Variants in FRMD6 observed in about 807,000 individuals in gnomAD.
The protein encoded by FRMD6 is FERM domain-containing protein 6.
In FRMD6, 37 loss-of-function variants were observed where a neutral mutation model predicts 73.2. That is an observed-to-expected ratio of 0.51 (90% confidence interval 0.39 to 0.66). The LOEUF (loss-of-function observed/expected upper bound fraction) is 0.66. Ranked by LOEUF, FRMD6 falls within the 30% of genes least tolerant of loss-of-function variation. The pLI is 0.00. For missense variants in FRMD6, 714 were observed against 780.5 expected, an observed-to-expected ratio of 0.91 and a Z score of 1.02; for synonymous variants, 273 against 282.2, an observed-to-expected ratio of 0.97 and a Z score of 0.33.
chr14:51,709,546 C>A (rs1896824310), intron 7 of FRMD6, among the ~76,000 whole-genome samples: 1 of 152,122 alleles, frequency 6.6e-6, no homozygotes, highest in African/African-American at 2.4e-5. Context: ...ACTTAAGGGA[C>A]CAACTGATGT....
At chr14:51,586,933 A>G (rs1889083639) in intron 2 of FRMD6, among the ~76,000 whole-genome samples, 1 of 152,092 alleles carries the variant, frequency 6.6e-6, no homozygotes, top group South Asian at 2.1e-4. Flanking sequence ...AGTTTTTTAG[A>G]GACAGAGTCT....
At chr14:51,690,670 C>T (rs909836091) in intron 2 of FRMD6, among the ~76,000 whole-genome samples, 2 of 152,198 alleles carry the variant, frequency 1.3e-5, no homozygotes, top group Non-Finnish European at 2.9e-5. Flanking sequence ...GCGTGAGCCA[C>T]CGCGCCCAGC....
intron 1 of FRMD6, among the ~76,000 whole-genome samples, chr14:51,655,440 C>T (rs1892752840): frequency 1.3e-5 from 2 of 151,666 alleles, no homozygotes; most frequent in Non-Finnish European, 2.9e-5. Flanking sequence ...TGTATGTTCC[C>T]CAAAACCCAA....
At chr14:51,563,182 G>C (rs1887575791) in intron 1 of FRMD6, among the ~76,000 whole-genome samples, 1 of 152,146 alleles carries the variant, frequency 6.6e-6, no homozygotes, top group African/African-American at 2.4e-5. Context: ...AAGCTTTATG[G>C]TCTTTTCTGA....
chr14:51,458,420 C>A, the FRMD6 span, among the ~76,000 whole-genome samples: 79 of 152,280 alleles, frequency 5.2e-4, no homozygotes, highest in African/African-American at 1.8e-3. Context: ...TATCTTCAAG[C>A]TGTTCAGTGT....
chr14:51,461,089 A>G, the FRMD6 span, among the ~76,000 whole-genome samples: 10 of 152,362 alleles, frequency 6.6e-5, 1 homozygote, highest in African/African-American at 1.9e-4. Context: ...TTTTGACTAC[A>G]GACATGTGTA....
chr14:51,442,954 T>G, the FRMD6 span, among the ~76,000 whole-genome samples: 3 of 152,328 alleles, frequency 2.0e-5, no homozygotes, highest in Admixed American at 1.3e-4. Flanking sequence ...GTGCCTGGCC[T>G]TATGCCTGCA....
At chr14:51,659,986 G>A (rs1893100218) in intron 1 of FRMD6, among the ~76,000 whole-genome samples, 1 of 152,110 alleles carries the variant, frequency 6.6e-6, no homozygotes, top group South Asian at 2.1e-4. Flanking sequence ...GCCTAATTAC[G>A]AGCTCAGCTA....
At chr14:51,595,936 T>G (rs1370142631) in intron 2 of FRMD6, among the ~76,000 whole-genome samples, 1 of 152,214 alleles carries the variant, frequency 6.6e-6, no homozygotes, top group Non-Finnish European at 1.5e-5. Context: ...CTTTGGGGTA[T>G]GTAGGGTTTT....
At chr14:51,713,580 T>C (rs1897072558) in intron 9 of FRMD6, 2 of 152,192 alleles carry the variant, frequency 1.3e-5, no homozygotes, top group South Asian at 4.1e-4. Context: ...AGATGGCCTA[T>C]GTAAATAAAG....
the FRMD6 span, among the ~76,000 whole-genome samples, chr14:51,473,142 C>T: frequency 6.6e-6 from 1 of 152,186 alleles, no homozygotes; most frequent in African/African-American, 2.4e-5. Flanking sequence ...GCTGCTTGTG[C>T]TTCCCACGTC....
chr14:51,508,218 C>T (rs574476380), intron 1 of FRMD6, among the ~76,000 whole-genome samples: 34 of 152,314 alleles, frequency 2.2e-4, no homozygotes, highest in African/African-American at 7.2e-4. Context: ...TTGCTACTCT[C>T]CATGTCCTTC....
intron 1 of FRMD6, among the ~76,000 whole-genome samples, chr14:51,491,812 T>C (rs1883020642): frequency 6.6e-6 from 1 of 152,184 alleles, no homozygotes; most frequent in Admixed American, 6.5e-5. Context: ...TACAGCTCTG[T>C]GAGGCGGACA....
At chr14:51,640,959 TTAACA>T (rs1372678506) in intron 2 of FRMD6, among the ~76,000 whole-genome samples, 2 of 152,114 alleles carry the variant, frequency 1.3e-5, no homozygotes, top group Non-Finnish European at 2.9e-5. Flanking sequence ...TTATACTTTA[TTAACA>T]TAACTTTCCT....
In FRMD6 at chr14:51,715,328, A is replaced by G. The variant is rs1489623408; in HGVS notation, c.853A>G (p.Lys285Glu). The G allele has an allele frequency of 2.6e-6, 4 of 1,560,936 alleles. No individual in the cohort carries two copies. The highest frequency in any genetic ancestry group is 3.5e-6 in the Non-Finnish European group (4 of 1,149,656). ...TNVGKLVFVG[K>E]KFEILPDGLP... Reference sequence around the variant, plus strand: ...GATTCATGGTTTCCTTCCAAAGGGTAAGAAATTTGAGATTTTGCCAGATGG... The same window carrying G: ...GATTCATGGTTTCCTTCCAAAGGGTGAGAAATTTGAGATTTTGCCAGATGG... Residue 285 changes from lysine to glutamate, a missense_variant, in exon 10 of 14, where the codon AAG becomes GAG. By Grantham distance (56) the Lys-to-Glu change is moderately conservative. Coordinates refer to ENST00000344768, the MANE Select transcript of FRMD6 (RefSeq NM_001267046.2).
At chr14:51,587,945 C>A (rs1014280715) in intron 2 of FRMD6, among the ~76,000 whole-genome samples, 1 of 151,676 alleles carries the variant, frequency 6.6e-6, no homozygotes, top group Non-Finnish European at 1.5e-5. Flanking sequence ...AAATGAACTC[C>A]CCTGACCCCT....
At position 51,689,924 on chromosome 14, in the gene FRMD6, A is replaced by G. The variant is rs1012137953; in HGVS notation, c.88A>G (p.Ile30Val). The G allele has an allele frequency of 2.5e-6, 4 of 1,600,374 alleles. No homozygotes were observed. The highest frequency in any genetic ancestry group is 2.2e-5 in the South Asian group (2 of 90,844). ...IFLPNDESLN[I>V]IINVKILCHQ... is the part of the protein sequence containing the mutation. Reference sequence around the variant, plus strand: ...CCTTCCCAACGATGAATCTCTGAACATCATCATAAATGTGAGTAGATCCAG... The same window carrying G: ...CCTTCCCAACGATGAATCTCTGAACGTCATCATAAATGTGAGTAGATCCAG... The change falls in exon 2 of 14, where the codon ATC becomes GTC. Residue 30 changes from isoleucine (I) to valine (V), a missense_variant. By Grantham distance (29) the Ile-to-Val change is conservative (BLOSUM62 3). Coordinates refer to ENST00000344768, the MANE Select transcript of FRMD6 (RefSeq NM_001267046.2).
intron 10 of FRMD6, among the ~76,000 whole-genome samples, chr14:51,715,979 A>G (rs1897218690): frequency 6.6e-6 from 1 of 152,202 alleles, no homozygotes; most frequent in South Asian, 2.1e-4. Context: ...GCAGCCTCTG[A>G]TTGACGGCTG....
At chr14:51,419,441 C>T in the FRMD6 span, among the ~76,000 whole-genome samples, 47,923 of 152,028 alleles carry the variant, frequency 0.32, 8,332 homozygotes, top group African/African-American at 0.46. Flanking sequence ...GCCACCATGC[C>T]CAGCTGCCAT....
Sources: allele counts gnomAD v4.1 joint callset (sites outside exome capture counted in the v4.1 genomes callset), GRCh38; gene constraint gnomAD v4.1.1; transcripts MANE v1.5; gene names NCBI Gene and HGNC (gene_info 2026-07-23, HGNC 2026-07-21).